Variants in COL6A1 observed in about 807,000 individuals in gnomAD.
The protein encoded by COL6A1 is collagen type VI alpha 1 chain.
In COL6A1, 80 loss-of-function variants were observed where a neutral mutation model predicts 145.6. The ratio of observed to expected loss-of-function variants is 0.55; its 90% CI spans 0.46 to 0.66. The LOEUF is 0.66. COL6A1 is among the 30% of genes least tolerant of loss of function. The pLI is 0.00. For missense variants in COL6A1, 1,364 were observed against 1,473.8 expected, an observed-to-expected ratio of 0.93 and a Z score of 1.22; for synonymous variants, 638 against 622.8, an observed-to-expected ratio of 1.02 and a Z score of -0.36.
chr21:45,987,281 C>T, intron 6 of COL6A1, 106 bp downstream of exon 6: 1 of 1,553,508 alleles, frequency 6.4e-7, no homozygotes. Context: ...GCCCATGTGC[C>T]CGGGACACAT....
rs755606962 is a variant in COL6A1 at position 46,003,748 on chromosome 21, T to C, written c.2822T>C (p.Leu941Pro). 2 of 1,612,850 alleles carry C rather than the reference T, an allele frequency of 1.2e-6. No individual in the cohort carries two copies. Among genetic ancestry groups the C allele is most frequent in the South Asian group, 1.1e-5 (1 of 91,086 alleles). ...GGCGCTGCCAAGAAGAGGCTGCTGC[T>C]CTTCTCAGATGGCAACTCGCAGGGC... ...SSGAAKKRLL[L>P]FSDGNSQGAT... Residue 941 changes from leucine to proline, a missense_variant, in exon 35 of 35, where the codon CTC becomes CCC. Coordinates refer to ENST00000361866, the MANE Select transcript of COL6A1 (RefSeq NM_001848.3).
At position 45,987,482 on chromosome 21, in the gene COL6A1, ATGCTTTCCCCCCACAG is replaced by A; in HGVS notation, c.739-12_742del. The A allele has an allele frequency of 6.2e-7, 1 of 1,612,918 alleles. No individual in the cohort carries two copies. The highest frequency in any genetic ancestry group is 1.3e-5 in the African/African-American group (1 of 74,980). On this transcript the variant is annotated splice_acceptor_variant and splice_polypyrimidine_tract_variant and intron_variant, in intron 6 of 34. Coordinates refer to ENST00000361866, the MANE Select transcript of COL6A1 (RefSeq NM_001848.3). LOFTEE classifies it high-confidence loss of function. ...GTGGCTTTCCCACTGACTCGTCTCC[ATGCTTTCCCCCCACAG>A]TGCTGCTCCTTCGAATGCCAGGTGA...
At position 45,984,452 on chromosome 21, in the gene COL6A1, G is replaced by A. The variant is rs750813031; in HGVS notation, c.411G>A (p.Leu137=). 2.5e-6 allele frequency: 4 copies of A among 1,611,088 alleles called. No homozygotes were observed. Among genetic ancestry groups the A allele is most frequent in the Non-Finnish European group, 3.4e-6 (4 of 1,179,912 alleles). The stretch of plus-strand genomic sequence containing the variant: ...CCGACTGCGCTATCAAGAAGGGGCT[G>A]GAGCAGCTCCTCGTGGGGTGAGTGG... The part of the protein sequence containing the change: ...TYTDCAIKKG[L]EQLLVGGSHL... The change falls in exon 3 of 35, where the codon CTG becomes CTA. Residue 137 remains leucine, a synonymous_variant. Coordinates refer to ENST00000361866, the MANE Select transcript of COL6A1 (RefSeq NM_001848.3).
In COL6A1 at chr21:45,989,235, C is replaced by T. The variant is rs2123470486; in HGVS notation, c.858+98C>T. On this transcript the variant is annotated intron_variant, in intron 9 of 34. Coordinates refer to ENST00000361866, the MANE Select transcript of COL6A1 (RefSeq NM_001848.3). The stretch of plus-strand genomic sequence containing the variant: ...GGAAGAGTGGCTGGGTTCTGAGTGC[C>T]AAAGTCACACTGCCTGTTCCTTGTG... The T allele has an allele frequency of 3.1e-6, 4 of 1,280,674 alleles. 1 individual carries two copies. Among genetic ancestry groups the T allele is most frequent in the African/African-American group, 3.0e-5 (2 of 67,270 alleles). 79.3% of individuals were successfully genotyped at this position (1,280,674 alleles called of 1,614,324 possible). A position where few individuals can be genotyped will look rare whatever the true frequency, so the allele number is the denominator to read the frequency against.
At chr21:46,003,058 TCTC>T (rs1228770541) in intron 33 of COL6A1, 59 bp from the exon 34 acceptor site, 4 of 1,612,596 alleles carry the variant, frequency 2.5e-6, no homozygotes, top group East Asian at 4.5e-5. Context: ...TCCTGTGACA[TCTC>T]CTTGCGGGGT....
chr21:45,983,174 C>T (rs1334473466), intron 2 of COL6A1, among the ~76,000 whole-genome samples: 1 of 152,218 alleles, frequency 6.6e-6, no homozygotes, highest in African/African-American at 2.4e-5. Context: ...TGGTTTGTTC[C>T]GTGGGCAGTG....
At chr21:45,982,486 G>GGGAC in intron 1 of COL6A1, 148 bp from the exon 2 acceptor site, 2 of 1,127,580 alleles carry the variant, frequency 1.8e-6, no homozygotes, top group Non-Finnish European at 2.6e-6. Context: ...TCCCCACCGA[G>GGGAC]GGACGTCCTG....
At chr21:45,982,586 G>A (rs1420221718) in intron 1 of COL6A1, 48 bp from the exon 2 acceptor site, 1 of 1,611,570 alleles carries the variant, frequency 6.2e-7, no homozygotes, top group Non-Finnish European at 8.5e-7. Context: ...CAGAGACTCG[G>A]GGAATGGGGC....
chr21:45,983,014 G>T (rs1451262978), intron 2 of COL6A1, among the ~76,000 whole-genome samples: 1 of 149,142 alleles, frequency 6.7e-6, no homozygotes, highest in Admixed American at 6.6e-5. Flanking sequence ...GCTCGCGGGG[G>T]TGGCACCTGT....
chr21:46,003,281 G>C, intron 34 of COL6A1, 110 bp from the exon 35 acceptor site: 1 of 1,599,942 alleles, frequency 6.3e-7, no homozygotes, highest in East Asian at 2.2e-5. Context: ...TCCGGTGGCT[G>C]AGCACCACCG....
At position 45,981,794 on chromosome 21, in the gene COL6A1, G is replaced by T. The variant is rs2077708293; in HGVS notation, c.-57G>T. The T allele has an allele frequency of 7.4e-7, 1 of 1,355,214 alleles. No individual in the cohort carries two copies. The highest frequency in any genetic ancestry group is 1.0e-6 in the Non-Finnish European group (1 of 986,274). The allele number at this position is 1,355,214 out of a possible 1,614,324, so 83.9% of individuals were successfully genotyped here. A position where few individuals can be genotyped will look rare whatever the true frequency, so the allele number is the denominator to read the frequency against. On this transcript the variant is annotated 5_prime_UTR_variant, in exon 1 of 35. Coordinates refer to ENST00000361866, the MANE Select transcript of COL6A1 (RefSeq NM_001848.3). ...CAGAAGGCAGCCTCGGTCTCTGGGC[G>T]GCGGCGGCGGCCCACTCTGCCCTGG...
At chr21:45,982,811 G>A in intron 2 of COL6A1, 48 bp downstream of exon 2, 2 of 1,604,756 alleles carry the variant, frequency 1.2e-6, no homozygotes, top group Non-Finnish European at 1.7e-6. Context: ...TGGGCCTCTT[G>A]GAGGGAGGGG....
intron 1 of COL6A1, 130 bp downstream of exon 1, chr21:45,982,077 C>G (rs932400769): frequency 5.1e-6 from 4 of 783,766 alleles, no homozygotes; most frequent in Non-Finnish European, 8.5e-6. Context: ...ACCCCACTCC[C>G]CGCTCGGGGC....
intron 19 of COL6A1, among the ~76,000 whole-genome samples, chr21:45,993,920 G>C (rs909591290): frequency 6.6e-6 from 1 of 152,218 alleles, no homozygotes; most frequent in African/African-American, 2.4e-5. Flanking sequence ...TGCACGCAGG[G>C]ACGCCTCTGG....
At chr21:45,989,964 A>G (rs1022243522) in intron 11 of COL6A1, among the ~76,000 whole-genome samples, 186 bp downstream of exon 11, 1 of 152,066 alleles carries the variant, frequency 6.6e-6, no homozygotes, top group Non-Finnish European at 1.5e-5. Flanking sequence ...CACCCAGCAA[A>G]GGCGCCTGTG....
chr21:45,999,363 G>A, intron 26 of COL6A1, 145 bp downstream of exon 26: 1 of 875,406 alleles, frequency 1.1e-6, no homozygotes. Context: ...GGCCCTGGGG[G>A]TGGGAGGTGC....
chr21:45,987,447 C>T (rs2077745959), intron 6 of COL6A1, 52 bp from the exon 7 acceptor site: 1 of 1,611,818 alleles, frequency 6.2e-7, no homozygotes, highest in Non-Finnish European at 8.5e-7. Flanking sequence ...TGTGTCCCAG[C>T]CGTATGTCCG....
chr21:45,994,102 G>C lies in COL6A1; in HGVS notation c.1336-65G>C. 1 of 1,497,216 alleles carries C rather than the reference G, an allele frequency of 6.7e-7. No individual in the cohort carries two copies. The highest frequency in any genetic ancestry group is 9.1e-7 in the Non-Finnish European group (1 of 1,095,886). The allele number at this position is 1,497,216 out of a possible 1,614,324, so 92.7% of individuals were successfully genotyped here. A position where few individuals can be genotyped will look rare whatever the true frequency, so the allele number is the denominator to read the frequency against. ...TGGACAGCATGCTGTGGCTCCCAGCGTGCCCGGGCAGCCATCCTCCCCAAG... is the reference window on the plus strand; with the variant it reads ...TGGACAGCATGCTGTGGCTCCCAGCCTGCCCGGGCAGCCATCCTCCCCAAG... On this transcript the variant is annotated intron_variant, in intron 19 of 34. Transcript: ENST00000361866. This position sits in a 1 kb window ranked among gnomAD's most constrained non-coding sequence, Gnocchi z 6.8.
intron 19 of COL6A1, among the ~76,000 whole-genome samples, chr21:45,993,587 G>A (rs186711734): frequency 6.6e-6 from 1 of 152,240 alleles, no homozygotes; most frequent in Non-Finnish European, 1.5e-5. Context: ...CAGGGCCAGA[G>A]AGCTGAGCCG....
Sources: allele counts gnomAD v4.1 joint callset (sites outside exome capture counted in the v4.1 genomes callset), GRCh38; gene constraint gnomAD v4.1.1; non-coding constraint Gnocchi (gnomAD v3.1); transcripts MANE v1.5; gene names NCBI Gene and HGNC (gene_info 2026-07-23, HGNC 2026-07-21).